The following NDUFA10 variants were observed in gnomAD, a reference collection of about 807,000 sequenced individuals.
NDUFA10 encodes the protein NADH:ubiquinone oxidoreductase subunit A10, also known as NADH dehydrogenase [ubiquinone] 1 alpha subcomplex subunit 10, mitochondrial.
Under a neutral mutation model 47.8 loss-of-function variants are expected in NDUFA10, and 40 were observed. The ratio of observed to expected loss-of-function variants is 0.84; its 90% confidence interval spans 0.65 to 1.09. The LOEUF is 1.09. Ranked by LOEUF, NDUFA10 falls within the 50% of genes least tolerant of loss-of-function variation. The pLI, the probability that NDUFA10 is intolerant of heterozygous loss-of-function variation, is 0.00. For synonymous variants in NDUFA10, 183 were observed against 172.2 expected, an observed-to-expected ratio of 1.06 and a Z score of -0.49; for missense variants, 413 against 451.1, an observed-to-expected ratio of 0.92 and a Z score of 0.76.
chr2:239,933,904 C>T (rs899826037), intron 4 of NDUFA10, among the ~76,000 whole-genome samples: 2 of 152,170 alleles, frequency 1.3e-5, no homozygotes, highest in Non-Finnish European at 2.9e-5. Context: ...GTCACCCAGG[C>T]TGGAGTGGAG....
At chr2:239,894,050 A>G (rs1217638487) in intron 5 of NDUFA10, among the ~76,000 whole-genome samples, 1 of 127,074 alleles carries the variant, frequency 7.9e-6, no homozygotes, top group African/African-American at 3.1e-5. Context: ...CAACTCCATC[A>G]TCCCAATCTC....
At chr2:239,988,757 C>T (rs556234034) in intron 9 of NDUFA10, among the ~76,000 whole-genome samples, 2 of 152,324 alleles carry the variant, frequency 1.3e-5, no homozygotes, top group South Asian at 2.1e-4. Flanking sequence ...CCAGCTACAG[C>T]GTTGATGCCA....
At position 240,022,228 on chromosome 2, in the gene NDUFA10, T is replaced by A; in HGVS notation, c.188A>T (p.Asp63Val). ...LTERSRVITVDGNICTGKGKL... is the reference protein window; with the variant it reads ...LTERSRVITVVGNICTGKGKL... ...GCCTTTTCCAGTACATATATTGCCA[T>A]CTACAGTTATCACTCTGCTGCGTTC... The change falls in exon 2 of 10, where the codon GAT (aspartate) becomes GTT (valine). Residue 63 changes from aspartate to valine, a missense_variant. Transcript: ENST00000252711. 6.2e-7 allele frequency: 1 copy of A among 1,614,190 alleles called. No homozygotes were observed. The highest frequency in any genetic ancestry group is 2.2e-5 in the East Asian group (1 of 44,876).
In NDUFA10 at chr2:240,011,812, G is replaced by A. The variant is rs918407425; in HGVS notation, c.670-116C>T. On this transcript the variant is annotated intron_variant, in intron 5 of 9. Transcript: ENST00000252711. ...CCACCATTTTCTTACAACTCACACC[G>A]GGCACTGTGGGGACTGCGGGGTGAC... 2.3e-5 allele frequency: 20 copies of A among 864,688 alleles called. 1 individual carries two copies. Among genetic ancestry groups the A allele is most frequent in the African/African-American group, 8.3e-5 (5 of 59,890 alleles). The allele number at this position is 864,688 out of a possible 1,614,324, so 53.6% of individuals were successfully genotyped here. A position where few individuals can be genotyped will look rare whatever the true frequency, so the allele number is the denominator to read the frequency against.
chr2:239,983,786 A>T, intron 9 of NDUFA10: 2 of 1,516,962 alleles, frequency 1.3e-6, no homozygotes, highest in Non-Finnish European at 1.8e-6. Context: ...ACTCCTTATT[A>T]AAAACAAAGT....
Position 240,011,526 on chromosome 2 carries a change from A to G in NDUFA10, c.749+91T>C, listed in dbSNP as rs1697142832. ...TCTCAGACAATATCCACTGCAGTAA[A>G]TAAGACAGAAAACTCCCTGGGCTGT... On this transcript the variant is annotated intron_variant, in intron 6 of 9. Coordinates refer to ENST00000252711, the MANE Select transcript of NDUFA10 (RefSeq NM_004544.4). The G allele has an allele frequency of 1.0e-5, 10 of 968,458 alleles. No individual in the cohort carries two copies. The Admixed American group carries it at 1.7e-4, about 17-fold the overall frequency. 60.0% of individuals were successfully genotyped at this position (968,458 alleles called of 1,614,324 possible). A position where few individuals can be genotyped will look rare whatever the true frequency, so the allele number is the denominator to read the frequency against.
At chr2:240,000,600 T>A (rs955166269) in intron 8 of NDUFA10, among the ~76,000 whole-genome samples, 1 of 152,224 alleles carries the variant, frequency 6.6e-6, no homozygotes. Flanking sequence ...TCTACCACAG[T>A]GTACGGTGAT....
Position 239,988,997 on chromosome 2 carries a change from TCA to T in NDUFA10, c.999+1075_999+1076del, listed in dbSNP as rs201319134. Among the ~76,000 whole-genome samples, 616 of 128,604 alleles carry T rather than the reference TCA, an allele frequency of 4.8e-3. 12 individuals are homozygous for T. The highest frequency in any genetic ancestry group is 0.047 in the East Asian group (208 of 4,420). The allele number at this position is 128,604 out of a possible 152,430, so 84.4% of individuals were successfully genotyped here. A position where few individuals can be genotyped will look rare whatever the true frequency, so the allele number is the denominator to read the frequency against. ...ACAGAAAGGGAGAAACAGCACACAC[TCA>T]CACACGTGTACAAGGACAGATAAGG... On this transcript the variant is annotated intron_variant, in intron 9 of 9. Transcript: ENST00000252711.
At chr2:240,022,042 G>T in intron 2 of NDUFA10, 130 bp downstream of exon 2, 1 of 731,260 alleles carries the variant, frequency 1.4e-6, no homozygotes, top group Non-Finnish European at 1.9e-6. Context: ...ACAAAAATGT[G>T]AAATACCCAC....
intron 9 of NDUFA10, chr2:239,983,554 C>T: frequency 6.2e-7 from 1 of 1,601,642 alleles, no homozygotes; most frequent in South Asian, 1.1e-5. Flanking sequence ...GTGCATGGGG[C>T]TTTCTGGAAA....
chr2:239,995,495 T>G (rs1036833620), intron 8 of NDUFA10, among the ~76,000 whole-genome samples: 1 of 151,890 alleles, frequency 6.6e-6, no homozygotes, highest in Admixed American at 6.6e-5. Context: ...TAAAAGAGAA[T>G]CTTATAAAAT....
chr2:239,908,923 G>A (rs897054807), intron 4 of NDUFA10, among the ~76,000 whole-genome samples: 8 of 152,208 alleles, frequency 5.3e-5, no homozygotes, highest in Admixed American at 3.3e-4. Flanking sequence ...AGTGCCCAGA[G>A]TCAGTGGATT....
At chr2:239,976,340 T>C in intron 9 of NDUFA10, among the ~76,000 whole-genome samples, 1 of 151,998 alleles carries the variant, frequency 6.6e-6, no homozygotes, top group Non-Finnish European at 1.5e-5. Context: ...ACCTGTTCTG[T>C]CTCCTTTCCC....
rs11891130 is a variant in NDUFA10 at position 239,901,547 on chromosome 2, G to A, written c.295-6233C>T. Among the ~76,000 whole-genome samples, 1,468 of 151,948 alleles carry A rather than the reference G, an allele frequency of 9.7e-3. 23 individuals are homozygous for A. Among genetic ancestry groups the A allele is most frequent in the African/African-American group, 0.033 (1,378 of 41,436 alleles). ...CAAGAGCTCTGATGGAGAGGCATAA[G>A]GAGGTTCATGTTGTTTTCACAGCTG... On this transcript the variant is annotated intron_variant, in intron 4 of 5. Coordinates refer to the NDUFA10 transcript ENST00000419408.
At chr2:239,962,754 C>T (rs1442805844) in intron 9 of NDUFA10, among the ~76,000 whole-genome samples, 3 of 152,044 alleles carry the variant, frequency 2.0e-5, no homozygotes, top group Non-Finnish European at 4.4e-5. Flanking sequence ...AGGAAGCTTC[C>T]AATCATAGTG....
Position 239,906,651 on chromosome 2 carries a change from G to A in NDUFA10, c.295-11337C>T, listed in dbSNP as rs1453514446. On this transcript the variant is annotated intron_variant, in intron 4 of 5. Transcript: ENST00000419408. The surrounding 1 kb of genome is among the most constrained non-coding windows in gnomAD (Gnocchi z 4.3). ...TGCCCCCGGGAATGCTGGTCCAGAC[G>A]CTTTGCCCTGCACCCAACCCTAAAG... Among the ~76,000 whole-genome samples the A allele has an allele frequency of 6.6e-6, 1 of 152,160 alleles. No individual in the cohort carries two copies. The highest frequency in any genetic ancestry group is 2.4e-5 in the African/African-American group (1 of 41,430).
intron 4 of NDUFA10, among the ~76,000 whole-genome samples, chr2:239,901,344 G>A (rs752533284): frequency 1.3e-5 from 2 of 152,134 alleles, no homozygotes; most frequent in East Asian, 1.9e-4. Context: ...GGGTGACAGA[G>A]TGAGACCTTG....
chr2:239,995,779 A>T (rs1696448212), intron 8 of NDUFA10, among the ~76,000 whole-genome samples: 1 of 152,242 alleles, frequency 6.6e-6, no homozygotes, highest in African/African-American at 2.4e-5. Context: ...TGAAAGCTGC[A>T]GTGGCTATAT....
At chr2:239,950,399 G>C (rs566920015) in intron 4 of NDUFA10, among the ~76,000 whole-genome samples, 1 of 152,178 alleles carries the variant, frequency 6.6e-6, no homozygotes, top group Non-Finnish European at 1.5e-5. Context: ...TTTTTCAGAC[G>C]GCTCCAGTCC....
Sources: allele counts gnomAD v4.1 joint callset (sites outside exome capture counted in the v4.1 genomes callset), GRCh38; gene constraint gnomAD v4.1.1; non-coding constraint Gnocchi (gnomAD v3.1); transcripts MANE v1.5; gene names NCBI Gene and HGNC (gene_info 2026-07-23, HGNC 2026-07-21).